The following ATR variants were observed in gnomAD, a reference collection of about 807,000 sequenced individuals.
ATR encodes ATR checkpoint kinase, also known as serine/threonine-protein kinase ATR.
A neutral mutation model predicts 305.3 loss-of-function variants in ATR; 142 were observed. That is an observed-to-expected ratio of 0.47 (90% CI 0.41 to 0.53). The LOEUF is 0.53. Among genes scored for constraint, ATR ranks in the 20% least tolerant of loss-of-function variants. The pLI is 0.00. For missense variants in ATR, 2,135 were observed against 3,133.1 expected (o/e 0.68, Z 7.60); for synonymous variants, 1,050 against 1,068.1 (o/e 0.98, Z 0.33).
intron 2 of ATR, among the ~76,000 whole-genome samples, chr3:142,567,857 A>G (rs2035125630): frequency 6.6e-6 from 1 of 152,240 alleles, no homozygotes; most frequent in African/African-American, 2.4e-5. Context: ...GATAACAAAC[A>G]GGAAAAGAGA....
At chr3:142,547,598 C>A (rs2034317565) in intron 16 of ATR, 127 bp downstream of exon 16, 2 of 1,079,444 alleles carry the variant, frequency 1.9e-6, no homozygotes, top group Admixed American at 5.0e-5. Flanking sequence ...ATAAAAATAC[C>A]AACTTAAAAT....
chr3:142,555,540 A>T (rs1376947050), intron 10 of ATR, among the ~76,000 whole-genome samples: 4 of 152,196 alleles, frequency 2.6e-5, no homozygotes, highest in Non-Finnish European at 4.4e-5. Context: ...TCAAGGTCCA[A>T]GGTTGTAACA....
chr3:142,510,168 T>C (rs994613569), intron 27 of ATR, among the ~76,000 whole-genome samples: 11 of 149,424 alleles, frequency 7.4e-5, no homozygotes, highest in Non-Finnish European at 1.5e-4. Context: ...TAATAGAGTG[T>C]TTGGTTTTAC....
intron 1 of ATR, among the ~76,000 whole-genome samples, chr3:142,573,785 C>T (rs1020035503): frequency 6.6e-6 from 1 of 152,170 alleles, no homozygotes; most frequent in Non-Finnish European, 1.5e-5. Flanking sequence ...TTGAAACCCA[C>T]TGTGTATCTT....
chr3:142,569,171 G>A (rs1454018208), intron 1 of ATR, among the ~76,000 whole-genome samples: 49 of 152,164 alleles, frequency 3.2e-4, no homozygotes, highest in Non-Finnish European at 1.5e-5. Flanking sequence ...CCCTTCTGAA[G>A]CACATAAAAA....
At chr3:142,546,215 T>C (rs1277804388) in intron 16 of ATR, among the ~76,000 whole-genome samples, 6 of 152,206 alleles carry the variant, frequency 3.9e-5, no homozygotes, top group Non-Finnish European at 8.8e-5. Flanking sequence ...GCAGTGGCTA[T>C]GTTCCTCTAC....
chr3:142,525,980 CA>C (rs2033373627), intron 21 of ATR, among the ~76,000 whole-genome samples: 1 of 152,138 alleles, frequency 6.6e-6, no homozygotes, highest in South Asian at 2.1e-4. Context: ...TACAGCAAAG[CA>C]AACAGACTAA....
intron 34 of ATR, 63 bp downstream of exon 34, chr3:142,496,298 A>ATC: frequency 7.6e-6 from 1 of 132,072 alleles, no homozygotes; most frequent in Admixed American, 1.0e-4. Flanking sequence ...ATATATATAT[A>ATC]TATATATATA....
chr3:142,467,821 T>C lies in ATR; in HGVS notation c.6687+113A>G, dbSNP rs1400851059. On this transcript the variant is annotated intron_variant, in intron 39 of 46. Coordinates refer to ENST00000350721, the MANE Select transcript of ATR (RefSeq NM_001184.4). ...TAATTAAAATATACATTTTGATATA[T>C]GTGTACACCTATAGTTAGAATTTTA... 6 of 1,195,450 alleles carry C rather than the reference T, an allele frequency of 5.0e-6. No homozygotes were observed. The South Asian group carries it at 6.1e-5, about 12-fold the overall frequency. 74.1% of individuals were successfully genotyped at this position (1,195,450 alleles called of 1,614,324 possible).
At chr3:142,512,834 C>CAA (rs1459284494) in intron 26 of ATR, among the ~76,000 whole-genome samples, 1 of 152,062 alleles carries the variant, frequency 6.6e-6, no homozygotes, top group Non-Finnish European at 1.5e-5. Context: ...ACCTGGGCAA[C>CAA]AAAGGGAGGC....
chr3:142,532,732 C>T (rs1577648180), intron 21 of ATR, among the ~76,000 whole-genome samples: 1 of 152,190 alleles, frequency 6.6e-6, no homozygotes, highest in Admixed American at 6.5e-5. Context: ...GCCACTCCTA[C>T]CACAACTTCA....
chr3:142,531,346 C>G (rs1227715304), intron 21 of ATR, among the ~76,000 whole-genome samples: 1 of 151,930 alleles, frequency 6.6e-6, no homozygotes, highest in Non-Finnish European at 1.5e-5. Context: ...TGTTGGTGTG[C>G]TGCACCCATT....
Position 142,505,184 on chromosome 3 carries a change from A to G in ATR, c.5151T>C (p.Asp1717=), listed in dbSNP as rs557953059. The stretch of plus-strand genomic sequence containing the variant: ...TAGCCCTGTCATAACAAGCAGTGGC[A>G]TCCCTCAGCAAGCCAAGGCTTTCAT... The part of the protein sequence containing the change: ...LEHESLGLLR[D]ATACYDRAIQ... Residue 1717 remains aspartate (D), a synonymous_variant, in exon 29 of 47, where the codon GAT becomes GAC. Transcript: ENST00000350721. 1.9e-6 allele frequency: 3 copies of G among 1,614,230 alleles called. No individual in the cohort carries two copies. The highest frequency in any genetic ancestry group is 1.7e-5 in the Admixed American group (1 of 60,024).
intron 36 of ATR, among the ~76,000 whole-genome samples, chr3:142,480,893 G>A (rs989972044): frequency 6.6e-6 from 1 of 152,210 alleles, no homozygotes; most frequent in African/African-American, 2.4e-5. Flanking sequence ...AGCCATGCAC[G>A]GGATATAATC....
chr3:142,542,780 A>C, intron 16 of ATR, 23 bp from the exon 17 acceptor site: 2 of 1,536,054 alleles, frequency 1.3e-6, no homozygotes, highest in Non-Finnish European at 1.8e-6. Context: ...AACAGATAAT[A>C]TGTAAGCTTT....
chr3:142,498,918 T>C, intron 31 of ATR, 144 bp from the exon 32 acceptor site: 1 of 806,782 alleles, frequency 1.2e-6, no homozygotes. Context: ...TCTCACTCTG[T>C]GGTCCAGGAT....
At position 142,528,879 on chromosome 3, in the gene ATR, A is replaced by ATATATATATT. The variant is rs1215767510; in HGVS notation, c.3946-4681_3946-4680insAATATATATA. Among the ~76,000 whole-genome samples, 67 of 30,484 alleles carry ATATATATATT rather than the reference A, an allele frequency of 2.2e-3. 2 individuals are homozygous for ATATATATATT. Among genetic ancestry groups the ATATATATATT allele is most frequent in the Middle Eastern group, 0.028 (1 of 36 alleles). 20.0% of individuals were successfully genotyped at this position (30,484 alleles called of 152,430 possible). On this transcript the variant is annotated intron_variant, in intron 21 of 46. Coordinates refer to ENST00000350721, the MANE Select transcript of ATR (RefSeq NM_001184.4). ...CATATATATATATATATATATATAT[A>ATATATATATT]TTTTTTTTTTTTTTTTTTTTTTGAG...
intron 42 of ATR, among the ~76,000 whole-genome samples, chr3:142,460,230 C>G (rs532209588): frequency 1.0e-3 from 153 of 152,122 alleles, no homozygotes; most frequent in Non-Finnish European, 1.6e-3. Flanking sequence ...ACATAACATA[C>G]TTGGCACAAT....
intron 12 of ATR, 119 bp from the exon 13 acceptor site, chr3:142,553,517 C>A: frequency 1.4e-6 from 2 of 1,441,892 alleles, no homozygotes; most frequent in South Asian, 1.2e-5. Context: ...CAAATAAATT[C>A]ATGTTGACTC....
Sources: allele counts gnomAD v4.1 joint callset (sites outside exome capture counted in the v4.1 genomes callset), GRCh38; gene constraint gnomAD v4.1.1; transcripts MANE v1.5; gene names NCBI Gene and HGNC (gene_info 2026-07-23, HGNC 2026-07-21).